SEMA4B: variants seen among roughly 807,000 people sequenced by gnomAD.
The protein encoded by SEMA4B is semaphorin 4B, also known as semaphorin-4B.
Under a neutral mutation model 88.1 loss-of-function variants are expected in SEMA4B, and 55 were observed. The observed-to-expected ratio is 0.62, with a 90% CI of 0.50 to 0.78. The LOEUF (loss-of-function observed/expected upper bound fraction) is 0.78, where lower values mean the gene tolerates loss of function less well. Ranked by LOEUF, SEMA4B falls within the 30% of genes least tolerant of loss-of-function variation. The pLI is 0.00. For synonymous variants in SEMA4B, 525 were observed against 473.6 expected (o/e 1.11, Z -1.41); for missense variants, 1,062 against 1,111.9 (o/e 0.96, Z 0.64).
intron 1 of SEMA4B, among the ~76,000 whole-genome samples, chr15:90,203,574 C>G (rs1433035871): frequency 6.6e-6 from 1 of 152,184 alleles, no homozygotes; most frequent in Non-Finnish European, 1.5e-5. Context: ...CGAGGAGCAG[C>G]TAGAATACTT....
rs74037060 is a variant in SEMA4B, at chr15:90,229,044, C to G, written c.*401C>G. ...CTGGGGATGCATCCAAAGTGGTTGT[C>G]TGAGACAGAGTTGGAAACCCTCACC... On this transcript the variant is annotated 3_prime_UTR_variant, in exon 14 of 14. Coordinates refer to ENST00000411539, the MANE Select transcript of SEMA4B (RefSeq NM_198925.4). 4,446 of 361,398 alleles carry G rather than the reference C, an allele frequency of 0.012. 171 individuals are homozygous for G. The highest frequency in any genetic ancestry group is 0.081 in the African/African-American group (3,817 of 47,006). The allele number at this position is 361,398 out of a possible 1,614,324, so 22.4% of individuals were successfully genotyped here.
Position 90,228,206 on chromosome 15 carries a change from A to G in SEMA4B, c.2077A>G (p.Ile693Val). 6.2e-7 allele frequency: 1 copy of G among 1,610,084 alleles called. No homozygotes were observed. The highest frequency in any genetic ancestry group is 8.5e-7 in the Non-Finnish European group (1 of 1,177,962). ...TDEGGSVPVI[I>V]STSRVSAPAG... Reference sequence around the variant, plus strand: ...TGAGGGTGGCAGTGTACCCGTCATTATCAGCACATCGCGTGTGAGTGCACC... The same window carrying G: ...TGAGGGTGGCAGTGTACCCGTCATTGTCAGCACATCGCGTGTGAGTGCACC... The change falls in exon 14 of 14, where the codon ATC (isoleucine) becomes GTC (valine). Residue 693 changes from isoleucine (I) to valine (V), a missense_variant. By Grantham distance (29) the Ile-to-Val change is conservative. Transcript: ENST00000411539.
chr15:90,213,975 C>T (rs74037027), intron 1 of SEMA4B, among the ~76,000 whole-genome samples: 4,023 of 152,264 alleles, frequency 0.026, 162 homozygotes, highest in African/African-American at 0.086. Flanking sequence ...GCTCAGCCAC[C>T]TGACCCCCGT....
Position 90,217,483 on chromosome 15 carries a change from TC to T in SEMA4B, c.204del (p.Asn69ThrfsTer7). ...CCTCAGATTCGAAGCTGAACACATC[TC>T]CAACTACACAGCCCTTCTGCTGAGC... ...PFLRFEAEHI[S>X]NYTALLLSRD... On this transcript the variant is annotated frameshift_variant, in exon 2 of 14. Coordinates refer to ENST00000411539, the MANE Select transcript of SEMA4B (RefSeq NM_198925.4). LOFTEE classifies it high-confidence loss of function. 6.2e-7 allele frequency: 1 copy of T among 1,613,874 alleles called. No individual in the cohort carries two copies.
intron 7 of SEMA4B, 150 bp from the exon 8 acceptor site, chr15:90,223,409 C>G (rs1022319090): frequency 1.6e-6 from 1 of 614,488 alleles, no homozygotes; most frequent in Non-Finnish European, 2.7e-6. Context: ...GTACACTGCT[C>G]TTCCTGACTT....
rs1346961323 is a variant in SEMA4B, at chr15:90,223,577, C to T, written c.880C>T (p.Arg294Trp). 7 of 1,599,410 alleles carry T rather than the reference C, an allele frequency of 4.4e-6. No homozygotes were observed. The highest frequency in any genetic ancestry group is 2.2e-5 in the South Asian group (2 of 89,468). ...RICKGDEGGE[R>W]VLQQRWTSFL... ...CCTCCAGGGCGATGAGGGTGGAGAG[C>T]GGGTGCTACAGCAGCGCTGGACCTC... is the stretch of plus-strand genomic sequence containing the variant. The change falls in exon 8 of 14, where the codon CGG becomes TGG. Residue 294 changes from arginine to tryptophan, a missense_variant. Physicochemically the swap from Arg to Trp is moderately radical, Grantham distance 101. Coordinates refer to ENST00000411539, the MANE Select transcript of SEMA4B (RefSeq NM_198925.4).
At chr15:90,204,568 AGT>A (rs2039128963) in intron 1 of SEMA4B, among the ~76,000 whole-genome samples, 1 of 152,142 alleles carries the variant, frequency 6.6e-6, no homozygotes, top group South Asian at 2.1e-4. Context: ...ACTTCAAAGA[AGT>A]GTGTGGAATT....
In SEMA4B at chr15:90,223,677, C is replaced by T. The variant is rs768476267; in HGVS notation, c.980C>T (p.Thr327Met). Residue 327 changes from threonine (T) to methionine (M), a missense_variant, in exon 8 of 14, where the codon ACG becomes ATG. Physicochemically the swap from Thr to Met is moderately conservative, Grantham distance 81. Coordinates refer to ENST00000411539, the MANE Select transcript of SEMA4B (RefSeq NM_198925.4). ...FPFNVLQDVF[T>M]LSPSPQDWRD... ...TTCAACGTGCTGCAGGATGTCTTCA[C>T]GCTGAGCCCCAGCCCCCAGGACTGG... 11 of 1,613,374 alleles carry T rather than the reference C, an allele frequency of 6.8e-6. No homozygotes were observed. The highest frequency in any genetic ancestry group is 2.7e-5 in the African/African-American group (2 of 74,918).
At chr15:90,227,470 G>T (rs750083698) in intron 12 of SEMA4B, 87 bp from the exon 13 acceptor site, 59 of 1,238,224 alleles carry the variant, frequency 4.8e-5, no homozygotes, top group Non-Finnish European at 6.6e-5. Flanking sequence ...AAAGGCCCTT[G>T]CCCAGGCCCA....
chr15:90,219,712 G>C (rs995624292), intron 3 of SEMA4B, 81 bp from the exon 4 acceptor site: 39 of 1,056,356 alleles, frequency 3.7e-5, no homozygotes, highest in Non-Finnish European at 5.3e-5. Context: ...CCGGGCCTGG[G>C]TGTGGAAGGG....
upstream of SEMA4B, chr15:90,201,261 G>A (rs537750229): frequency 8.2e-5 from 85 of 1,041,290 alleles, no homozygotes; most frequent in South Asian, 3.3e-3. Flanking sequence ...GCCCGGGAAG[G>A]AGGAAGGGGG....
At position 90,223,634 on chromosome 15, in the gene SEMA4B, C is replaced by T; in HGVS notation, c.937C>T (p.Pro313Ser). ...FLKAQLLCSR[P>S]DDGFPFNVLQ... ...CAAGGCCCAGCTGCTGTGCTCACGG[C>T]CCGACGATGGCTTCCCCTTCAACGT... Residue 313 changes from proline to serine, a missense_variant, in exon 8 of 14, where the codon CCC (proline) becomes TCC (serine). By Grantham distance (74) the Pro-to-Ser change is moderately conservative. Transcript: ENST00000411539. 3 of 1,613,546 alleles carry T rather than the reference C, an allele frequency of 1.9e-6. No individual in the cohort carries two copies. The highest frequency in any genetic ancestry group is 1.1e-5 in the South Asian group (1 of 91,048).
intron 1 of SEMA4B, among the ~76,000 whole-genome samples, chr15:90,195,053 T>A (rs1960458911): frequency 6.6e-6 from 1 of 152,132 alleles, no homozygotes; most frequent in Admixed American, 6.6e-5. Flanking sequence ...GGCTTTTTTT[T>A]TTTTTCCAAC....
Position 90,217,429 on chromosome 15 carries a change from C to T in SEMA4B, c.158-10C>T, listed in dbSNP as rs766318940. On this transcript the variant is annotated splice_polypyrimidine_tract_variant and intron_variant, in intron 1 of 13. Coordinates refer to ENST00000411539, the MANE Select transcript of SEMA4B (RefSeq NM_198925.4). ...GTGGCCCCAGGTAATACCCATCTTCCTCTCCCCAGGCTCTGAAGAGCGGCC... is the reference window on the plus strand; with the variant it reads ...GTGGCCCCAGGTAATACCCATCTTCTTCTCCCCAGGCTCTGAAGAGCGGCC... The T allele has an allele frequency of 5.1e-4, 820 of 1,610,484 alleles. 5 individuals are homozygous for T. Among genetic ancestry groups the T allele is most frequent in the Non-Finnish European group, 1.1e-4 (134 of 1,178,238 alleles).
chr15:90,189,130 G>T (rs771831311), intron 1 of SEMA4B, among the ~76,000 whole-genome samples: 2 of 151,740 alleles, frequency 1.3e-5, no homozygotes, highest in Non-Finnish European at 2.9e-5. Context: ...GTGGGGGGGA[G>T]GAAGGAAAAG....
upstream of SEMA4B, among the ~76,000 whole-genome samples, chr15:90,197,599 G>A (rs748896240): frequency 7.3e-5 from 11 of 151,656 alleles, no homozygotes; most frequent in Admixed American, 4.6e-4. Flanking sequence ...CACCACGCCC[G>A]GCTAATTTTT....
At chr15:90,214,728 A>G (rs373212403) in intron 1 of SEMA4B, among the ~76,000 whole-genome samples, 5 of 149,190 alleles carry the variant, frequency 3.4e-5, no homozygotes, top group African/African-American at 9.9e-5. Flanking sequence ...TTCATTTCCC[A>G]TTTTTCTTTG....
In SEMA4B at chr15:90,212,208, TG is replaced by T. The variant is rs1242507425; in HGVS notation, c.158-5230del. 3.6e-4 allele frequency among the ~76,000 whole-genome samples: 55 copies of T among 152,180 alleles called. No individual in the cohort carries two copies. Among genetic ancestry groups the T allele is most frequent in the African/African-American group, 1.3e-3 (55 of 41,510 alleles). ...GTGGGGACCCTGCAGGTGACTCTTA[TG>T]TGCCCATTCCATGTGCCGTCTCCCT... On this transcript the variant is annotated intron_variant, in intron 1 of 13. Transcript: ENST00000411539. This position sits in a 1 kb window ranked among gnomAD's most constrained non-coding sequence, Gnocchi z 4.0.
rs907753431 is a variant in SEMA4B at position 90,225,272 on chromosome 15, C to T, written c.1406-10C>T. 11 of 1,555,488 alleles carry T rather than the reference C, an allele frequency of 7.1e-6. No individual in the cohort carries two copies. The highest frequency in any genetic ancestry group is 1.8e-4 in the Middle Eastern group (1 of 5,652). ...CTCCACCCAGGGCCTGAGTCCTGTCCACACCCCAGGTGACGGCCGGCTCCA... is the reference window on the plus strand; with the variant it reads ...CTCCACCCAGGGCCTGAGTCCTGTCTACACCCCAGGTGACGGCCGGCTCCA... On this transcript the variant is annotated splice_polypyrimidine_tract_variant and intron_variant, in intron 10 of 13. Coordinates refer to ENST00000411539, the MANE Select transcript of SEMA4B (RefSeq NM_198925.4).
Sources: gnomAD v4.1 joint callset for allele counts (sites outside exome capture counted in the v4.1 genomes callset) on GRCh38, gnomAD v4.1.1 for gene constraint, Gnocchi (gnomAD v3.1) non-coding constraint, MANE v1.5 for transcripts, NCBI Gene and HGNC (gene_info 2026-07-23, HGNC 2026-07-21) for gene names.